Variants in ASCC3 observed in about 807,000 individuals in gnomAD.
ASCC3 encodes activating signal cointegrator 1 complex subunit 3, also known as ASC-1 complex subunit P200.
In ASCC3, 158 loss-of-function variants were observed where a neutral mutation model predicts 256.3. The ratio of observed to expected loss-of-function variants is 0.62; its 90% CI spans 0.54 to 0.70. The LOEUF (loss-of-function observed/expected upper bound fraction) is 0.70. ASCC3 is among the 30% of genes least tolerant of loss of function. The pLI, the probability that ASCC3 is intolerant of heterozygous loss-of-function variation, is 0.00. For synonymous variants in ASCC3, 948 were observed against 883.4 expected, an observed-to-expected ratio of 1.07 and a Z score of -1.30; for missense variants, 2,259 against 2,626.0, an observed-to-expected ratio of 0.86 and a Z score of 3.05.
At chr6:100,528,003 T>C (rs74859024) in intron 37 of ASCC3, among the ~76,000 whole-genome samples, 2 of 143,528 alleles carry the variant, frequency 1.4e-5, no homozygotes, top group Non-Finnish European at 3.1e-5. Flanking sequence ...GCCCAGCTAA[T>C]TTTTTTTTTT....
At chr6:100,590,189 A>G (rs1220918257) in intron 34 of ASCC3, 130 bp from the exon 35 acceptor site, 1 of 691,106 alleles carries the variant, frequency 1.4e-6, no homozygotes, top group Non-Finnish European at 2.5e-6. Context: ...TAACATCACA[A>G]AACTCACAGA....
intron 4 of ASCC3, among the ~76,000 whole-genome samples, chr6:100,807,389 T>C (rs1770242585): frequency 1.5e-5 from 2 of 134,102 alleles, no homozygotes; most frequent in African/African-American, 2.8e-5. Context: ...CAAGACATAA[T>C]GTCTGTGTTC....
chr6:100,510,576 A>G (rs1773710755), intron 40 of ASCC3, among the ~76,000 whole-genome samples: 1 of 152,208 alleles, frequency 6.6e-6, no homozygotes, highest in Non-Finnish European at 1.5e-5. Flanking sequence ...GGACCCCAAG[A>G]TGATGAGTAC....
At chr6:100,710,891 C>A (rs1356151010) in intron 13 of ASCC3, among the ~76,000 whole-genome samples, 1 of 151,974 alleles carries the variant, frequency 6.6e-6, no homozygotes, top group East Asian at 1.9e-4. Context: ...ATGATGAAGG[C>A]TATAACCCTA....
intron 10 of ASCC3, among the ~76,000 whole-genome samples, chr6:100,748,236 G>T (rs940829055): frequency 6.6e-6 from 1 of 151,682 alleles, no homozygotes; most frequent in Admixed American, 6.6e-5. Context: ...TAAGAGCCAG[G>T]CCTAGTTTGA....
rs1562305006 is a variant in ASCC3, at chr6:100,799,496, A to T, written c.1204T>A (p.Tyr402Asn). The T allele has an allele frequency of 6.2e-7, 1 of 1,613,086 alleles. No individual in the cohort carries two copies. Among genetic ancestry groups the T allele is most frequent in the Admixed American group, 1.7e-5 (1 of 59,922 alleles). The change falls in exon 7 of 42, where the codon TAT (tyrosine) becomes AAT (asparagine). Residue 402 changes from tyrosine (Y) to asparagine (N), a missense_variant. Tyr to Asn is a moderately radical substitution (Grantham distance 143). Transcript: ENST00000369162. Reference sequence around the variant, plus strand: ...GCCTGGGAATCATACACATGGGGATAATGTATTTTTTCAACGTCTGCATCT... The same window carrying T: ...GCCTGGGAATCATACACATGGGGATTATGTATTTTTTCAACGTCTGCATCT... ...QRDADVEKIH[Y>N]PHVYDSQAEA...
At chr6:100,800,971 G>C (rs1769888728) in intron 5 of ASCC3, among the ~76,000 whole-genome samples, 1 of 151,936 alleles carries the variant, frequency 6.6e-6, no homozygotes, top group South Asian at 2.1e-4. Flanking sequence ...TTACTACTTA[G>C]TTATTTATAG....
chr6:100,671,854 A>AT lies in ASCC3; in HGVS notation c.2286+7763dup, dbSNP rs1776763987. On this transcript the variant is annotated intron_variant, in intron 14 of 41. Coordinates refer to ENST00000369162, the MANE Select transcript of ASCC3 (RefSeq NM_006828.4). The stretch of plus-strand genomic sequence containing the variant: ...CACAAATACATGATTAAATAACATG[A>AT]TTTTTAAAAAACTGGTAGCAAGCAA... Among the ~76,000 whole-genome samples the AT allele has an allele frequency of 5.9e-5, 9 of 152,202 alleles. No individual in the cohort carries two copies. In the South Asian group the frequency reaches 1.9e-3, roughly 31 times the overall value.
intron 36 of ASCC3, among the ~76,000 whole-genome samples, chr6:100,568,897 C>T (rs1024255390): frequency 2.0e-5 from 3 of 151,668 alleles, no homozygotes; most frequent in Non-Finnish European, 4.4e-5. Context: ...CCTGCCTCAG[C>T]CTCCCGAGTA....
intron 40 of ASCC3, 43 bp from the exon 41 acceptor site, chr6:100,510,150 C>T: frequency 6.2e-7 from 1 of 1,605,120 alleles, no homozygotes; most frequent in Non-Finnish European, 8.5e-7. Context: ...AATATCTAGA[C>T]TTCCTATACC....
chr6:100,731,349 A>G (rs541420871), intron 10 of ASCC3, among the ~76,000 whole-genome samples: 29 of 152,340 alleles, frequency 1.9e-4, no homozygotes, highest in Non-Finnish European at 2.8e-4. Context: ...ACTGAAGTCT[A>G]GCCTCATTAG....
intron 36 of ASCC3, among the ~76,000 whole-genome samples, chr6:100,559,871 G>T (rs1769832882): frequency 6.7e-6 from 1 of 149,562 alleles, no homozygotes. Flanking sequence ...AAAAAATTCT[G>T]TTACATTTGT....
At chr6:100,682,424 G>T (rs1258341422) in intron 13 of ASCC3, among the ~76,000 whole-genome samples, 2 of 152,160 alleles carry the variant, frequency 1.3e-5, no homozygotes, top group Admixed American at 6.5e-5. Flanking sequence ...AAATAGTGAT[G>T]AAAATAGATA....
chr6:100,509,796 G>C (rs1773666282), intron 41 of ASCC3, 136 bp downstream of exon 41: 1 of 889,438 alleles, frequency 1.1e-6, no homozygotes, highest in South Asian at 1.7e-5. Context: ...GCTGAGGCAG[G>C]AGAATGGCGT....
At chr6:100,809,806 G>A (rs9322222) in intron 4 of ASCC3, among the ~76,000 whole-genome samples, 10,450 of 152,008 alleles carry the variant, frequency 0.069, 812 homozygotes, top group East Asian at 0.3. Context: ...TATTTGTAAA[G>A]TATATGAAGT....
chr6:100,518,765 G>T (rs1190265688), intron 37 of ASCC3, among the ~76,000 whole-genome samples: 1 of 152,076 alleles, frequency 6.6e-6, no homozygotes, highest in East Asian at 1.9e-4. Context: ...TTTGCTTAAG[G>T]CAAAACTAAA....
chr6:100,530,058 T>C (rs1460815333), intron 37 of ASCC3, among the ~76,000 whole-genome samples: 1 of 152,186 alleles, frequency 6.6e-6, no homozygotes, highest in Non-Finnish European at 1.5e-5. Flanking sequence ...CTGGTATAAT[T>C]TGGTATTTAA....
chr6:100,754,818 A>C (rs543213317), intron 10 of ASCC3, among the ~76,000 whole-genome samples: 11 of 152,052 alleles, frequency 7.2e-5, no homozygotes, highest in African/African-American at 1.9e-4. Flanking sequence ...ATGGAAGTGG[A>C]TTTTTCCCAT....
chr6:100,530,110 A>G (rs1291188612), intron 37 of ASCC3, among the ~76,000 whole-genome samples: 4 of 152,132 alleles, frequency 2.6e-5, no homozygotes, highest in Non-Finnish European at 5.9e-5. Context: ...ATAGGTTTCT[A>G]GAAATCTTTC....
Sources: allele counts gnomAD v4.1 joint callset (sites outside exome capture counted in the v4.1 genomes callset), GRCh38; gene constraint gnomAD v4.1.1; transcripts MANE v1.5; gene names NCBI Gene and HGNC (gene_info 2026-07-23, HGNC 2026-07-21).